ZNF341: variants seen among roughly 807,000 people sequenced by gnomAD.
The protein encoded by ZNF341 is zinc finger protein 341.
Under a neutral mutation model 87.7 loss-of-function variants are expected in ZNF341, and 52 were observed. That is an observed-to-expected ratio of 0.59 (90% CI 0.47 to 0.75). The LOEUF is 0.75. ZNF341 is among the 30% of genes least tolerant of loss of function. The pLI is 0.00. For missense variants in ZNF341, 977 were observed against 1,145.9 expected (o/e 0.85, Z 2.13); for synonymous variants, 459 against 472.7 (o/e 0.97, Z 0.38).
chr20:33,767,080 G>T (rs1218676723), intron 9 of ZNF341, 39 bp downstream of exon 9: 1 of 1,583,094 alleles, frequency 6.3e-7, no homozygotes, highest in African/African-American at 1.3e-5. Flanking sequence ...CACCACACCA[G>T]TCGAAACCTT....
intron 2 of ZNF341, among the ~76,000 whole-genome samples, chr20:33,742,474 C>T (rs1227629160): frequency 1.3e-5 from 2 of 152,108 alleles, no homozygotes; most frequent in Admixed American, 6.6e-5. Context: ...GGATTGCAGG[C>T]GTGAGCCACA....
intron 4 of ZNF341, chr20:33,752,367 G>T: frequency 1.6e-6 from 1 of 628,758 alleles, no homozygotes; most frequent in East Asian, 3.4e-5. Flanking sequence ...CACACATCTG[G>T]AGTTCCCATC....
chr20:33,752,913 G>T (rs2019092332), intron 4 of ZNF341, among the ~76,000 whole-genome samples: 1 of 151,920 alleles, frequency 6.6e-6, no homozygotes, highest in African/African-American at 2.4e-5. Flanking sequence ...CTCCCAAAGT[G>T]TTGGGATTAC....
chr20:33,768,142 C>T lies in ZNF341; in HGVS notation c.1413+1101C>T, dbSNP rs563714945. Among the ~76,000 whole-genome samples, 52 of 151,662 alleles carry T rather than the reference C, an allele frequency of 3.4e-4. No homozygotes were observed. The East Asian group carries it at 7.7e-3, about 23-fold the overall frequency. ...GGATCAAGTGTTTTTTTTTTCCCCC[C>T]GAGGCAGTCTCACTCTGTCGCCCAG... is the stretch of plus-strand genomic sequence containing the variant. On this transcript the variant is annotated intron_variant, in intron 9 of 14. Transcript: ENST00000375200.
At chr20:33,759,456 G>A (rs1345453044) in intron 7 of ZNF341, among the ~76,000 whole-genome samples, 1 of 152,038 alleles carries the variant, frequency 6.6e-6, no homozygotes, top group Non-Finnish European at 1.5e-5. Flanking sequence ...GGCTAATTTT[G>A]TATTTTTGGT....
intron 7 of ZNF341, among the ~76,000 whole-genome samples, chr20:33,759,855 G>T (rs895585965): frequency 2.0e-5 from 3 of 152,120 alleles, no homozygotes; most frequent in African/African-American, 7.2e-5. Flanking sequence ...CTAGACCAGG[G>T]TTTTTCAGCC....
rs550708602 is a variant in ZNF341 at position 33,764,891 on chromosome 20, A to G, written c.1223-1960A>G. Among the ~76,000 whole-genome samples, 60 of 151,926 alleles carry G rather than the reference A, an allele frequency of 3.9e-4. 1 individual carries two copies. Among genetic ancestry groups the G allele is most frequent in the Middle Eastern group, 3.4e-3 (1 of 294 alleles). Reference sequence around the variant, plus strand: ...CCCCAGACTGGAGTGCAGTGGTGCAATCATAACTCATTGTAGCCTCGAACT... The same window carrying G: ...CCCCAGACTGGAGTGCAGTGGTGCAGTCATAACTCATTGTAGCCTCGAACT... On this transcript the variant is annotated intron_variant, in intron 8 of 14. Coordinates refer to ENST00000375200, the MANE Select transcript of ZNF341 (RefSeq NM_001282933.2).
chr20:33,791,293 G>T lies in ZNF341; in HGVS notation c.2341G>T (p.Ala781Ser). ...GCTGGAGGAGCTGAAGGACACAGGG[G>T]CTGGGCTGGTGCCCGAGGCTGTCCC... Reference protein sequence around the residue: ...LGLEELKDTGAGLVPEAVPGK... With the variant: ...LGLEELKDTGSGLVPEAVPGK... The change falls in exon 15 of 15, where the codon GCT becomes TCT. Residue 781 changes from alanine to serine, a missense_variant. Coordinates refer to ENST00000375200, the MANE Select transcript of ZNF341 (RefSeq NM_001282933.2). 3.1e-6 allele frequency: 5 copies of T among 1,611,656 alleles called. No homozygotes were observed. The highest frequency in any genetic ancestry group is 4.2e-6 in the Non-Finnish European group (5 of 1,179,534).
At chr20:33,757,034 G>A in intron 5 of ZNF341, 114 bp from the exon 6 acceptor site, 1 of 837,890 alleles carries the variant, frequency 1.2e-6, no homozygotes, top group South Asian at 3.2e-5. Context: ...GGCTGTGATG[G>A]TGATGTAGGG....
At chr20:33,755,145 A>G (rs911069558) in intron 5 of ZNF341, among the ~76,000 whole-genome samples, 1 of 152,122 alleles carries the variant, frequency 6.6e-6, no homozygotes, top group Non-Finnish European at 1.5e-5. Flanking sequence ...GGGTTTCACC[A>G]TGATGGCCAG....
Position 33,757,337 on chromosome 20 carries a change from C to A in ZNF341, c.931C>A (p.Pro311Thr). 1 of 1,498,770 alleles carries A rather than the reference C, an allele frequency of 6.7e-7. No individual in the cohort carries two copies. The allele number at this position is 1,498,770 out of a possible 1,614,324, so 92.8% of individuals were successfully genotyped here. The change falls in exon 6 of 15, where the codon CCG becomes ACG. Residue 311 changes from proline (P) to threonine (T), a missense_variant. Pro to Thr is a conservative substitution (Grantham distance 38, BLOSUM62 -1). This residue lies in a region of ZNF341 where 515 missense variants were observed against 598.2 expected (regional missense o/e 0.86). Transcript: ENST00000375200. ...ACGAGCTAAAGGTGCCAGGGGACTC[C>A]CGGAAGGTGGGCCCCCAGCCTGCCA... is the stretch of plus-strand genomic sequence containing the variant. ...TRRAKGARGL[P>T]EAAGKPKAQK...
At chr20:33,765,867 C>G (rs1008162120) in intron 8 of ZNF341, among the ~76,000 whole-genome samples, 1 of 151,966 alleles carries the variant, frequency 6.6e-6, no homozygotes, top group Admixed American at 6.6e-5. Context: ...GATGATGAAA[C>G]AGATGATTAC....
chr20:33,787,039 A>G (rs2019881624), intron 12 of ZNF341: 1 of 152,066 alleles, frequency 6.6e-6, no homozygotes, highest in Non-Finnish European at 1.5e-5. Context: ...ATACATGGTT[A>G]TTATAAAAAT....
In ZNF341 at chr20:33,791,601, C is replaced by A. The variant is rs144845640; in HGVS notation, c.*84C>A. The A allele has an allele frequency of 1.5e-3, 2,105 of 1,378,898 alleles. 25 individuals carry two copies. In the African/African-American group the frequency reaches 0.026, roughly 17 times the overall value. 85.4% of individuals were successfully genotyped at this position (1,378,898 alleles called of 1,614,324 possible). ...CCTGGGGGCAGACCGGTGATCCTTA[C>A]CAGTGGAAGCGAGCCATCGAGCCAT... On this transcript the variant is annotated 3_prime_UTR_variant, in exon 15 of 15. Transcript: ENST00000375200.
intron 9 of ZNF341, 85 bp downstream of exon 9, chr20:33,767,126 G>T (rs2019424819): frequency 2.5e-5 from 37 of 1,483,366 alleles, no homozygotes; most frequent in Non-Finnish European, 3.4e-5. Flanking sequence ...TGCCTAGAAA[G>T]GGGTAGGAAC....
At chr20:33,759,583 C>T (rs547588951) in intron 7 of ZNF341, among the ~76,000 whole-genome samples, 15 of 152,132 alleles carry the variant, frequency 9.9e-5, no homozygotes, top group Admixed American at 3.3e-4. Context: ...CGTGCCTGGC[C>T]GATGAGATGA....
In ZNF341 at chr20:33,781,406, T is replaced by G; in HGVS notation, c.1719+19T>G. The G allele has an allele frequency of 6.2e-7, 1 of 1,609,404 alleles. No homozygotes were observed. The highest frequency in any genetic ancestry group is 8.5e-7 in the Non-Finnish European group (1 of 1,175,758). On this transcript the variant is annotated intron_variant, in intron 11 of 14. Transcript: ENST00000375200. ...CCAGAAGGTGGGTGCCACTGTCCTCTTTTCTGGGGCCTAGGCTATAATAAG... is the reference window on the plus strand; with the variant it reads ...CCAGAAGGTGGGTGCCACTGTCCTCGTTTCTGGGGCCTAGGCTATAATAAG...
At chr20:33,789,437 T>C (rs1328887972) in intron 13 of ZNF341, 81 bp from the exon 14 acceptor site, 1 of 1,456,462 alleles carries the variant, frequency 6.9e-7, no homozygotes, top group Non-Finnish European at 9.6e-7. Context: ...GGCTGTCCCT[T>C]GTGCCCAGGG....
At chr20:33,754,871 C>T (rs562910738) in intron 5 of ZNF341, among the ~76,000 whole-genome samples, 25 of 152,308 alleles carry the variant, frequency 1.6e-4, no homozygotes, top group Middle Eastern at 3.4e-3. Context: ...ATAATAAGAG[C>T]CTATGCCAGT....
Sources: gnomAD v4.1 joint callset for allele counts (sites outside exome capture counted in the v4.1 genomes callset) on GRCh38, gnomAD v4.1.1 for gene constraint, gnomAD v4.1.1 regional missense constraint, MANE v1.5 for transcripts, NCBI Gene and HGNC (gene_info 2026-07-23, HGNC 2026-07-21) for gene names.